Variants in C10orf71 observed in about 807,000 individuals in gnomAD.
The protein encoded by C10orf71 is chromosome 10 open reading frame 71, also known as cardiac-enriched FHL2-interacting protein.
For synonymous variants in C10orf71, 758 were observed against 726.3 expected (o/e 1.04, Z -0.70); for missense variants, 1,869 against 1,804.5 (o/e 1.04, Z -0.65).
At chr10:49,302,063 A>G (rs541650345) in intron 1 of C10orf71, among the ~76,000 whole-genome samples, 1 of 152,222 alleles carries the variant, frequency 6.6e-6, no homozygotes, top group African/African-American at 2.4e-5. Flanking sequence ...TTCATCTGGG[A>G]TATCTCCCAC....
At chr10:49,307,632 C>T (rs1848837956) in intron 1 of C10orf71, among the ~76,000 whole-genome samples, 1 of 152,246 alleles carries the variant, frequency 6.6e-6, no homozygotes, top group Admixed American at 6.5e-5. Context: ...GCAAGGCCCA[C>T]TGAGCACACC....
chr10:49,319,109 T>C (rs980391830), intron 2 of C10orf71, among the ~76,000 whole-genome samples: 7 of 152,230 alleles, frequency 4.6e-5, no homozygotes, highest in African/African-American at 1.7e-4. Flanking sequence ...ATGTCCACTC[T>C]TCCAGACACC....
intron 1 of C10orf71, among the ~76,000 whole-genome samples, chr10:49,309,792 C>T (rs1450502227): frequency 2.0e-5 from 3 of 152,136 alleles, no homozygotes; most frequent in Admixed American, 1.3e-4. Context: ...CTGAACTGCT[C>T]GTCACACATG....
intron 1 of C10orf71, among the ~76,000 whole-genome samples, chr10:49,306,163 T>A (rs1412974892): frequency 1.3e-5 from 2 of 152,226 alleles, no homozygotes. Flanking sequence ...TGAACCTCCT[T>A]CTAGTCCAGG....
At chr10:49,313,832 G>T (rs145750346) in intron 1 of C10orf71, among the ~76,000 whole-genome samples, 78 of 152,344 alleles carry the variant, frequency 5.1e-4, no homozygotes, top group South Asian at 1.0e-3. Flanking sequence ...GCACCGAGTT[G>T]CCTGGTGGGT....
In C10orf71 at chr10:49,325,987, A is replaced by G; in HGVS notation, c.3442A>G (p.Thr1148Ala). Residue 1148 changes from threonine to alanine, a missense_variant, in exon 3 of 3, where the codon ACC (threonine) becomes GCC (alanine). Thr to Ala is a moderately conservative substitution (Grantham distance 58). Coordinates refer to ENST00000374144, the MANE Select transcript of C10orf71 (RefSeq NM_001135196.2). ...SPRGSLLDVATSPAGTSGRLE... is the reference protein window; with the variant it reads ...SPRGSLLDVAASPAGTSGRLE... ...AAGAGGTTCATTGCTGGATGTGGCC[A>G]CCAGCCCAGCAGGCACCTCTGGGAG... The G allele has an allele frequency of 6.4e-7, 1 of 1,551,704 alleles. No homozygotes were observed. Among genetic ancestry groups the G allele is most frequent in the African/African-American group, 1.4e-5 (1 of 73,178 alleles).
chr10:49,323,028 G>A lies in C10orf71; in HGVS notation c.483G>A (p.Arg161=), dbSNP rs779560653. 6 of 1,613,900 alleles carry A rather than the reference G, an allele frequency of 3.7e-6. No individual in the cohort carries two copies. The South Asian group carries it at 6.6e-5, about 18-fold the overall frequency. Residue 161 remains arginine, a synonymous_variant, in exon 3 of 3, where the codon AGG becomes AGA. Coordinates refer to ENST00000374144, the MANE Select transcript of C10orf71 (RefSeq NM_001135196.2). ...CCGAGAGCCAACGTTGTGAGAGCAG[G>A]CCCACTGCCAGCAAGCCTCCGGCTC... ...DRTESQRCES[R]PTASKPPALK...
Position 49,326,888 on chromosome 10 carries a change from C to G in C10orf71, c.*35C>G. 7.0e-7 allele frequency: 1 copy of G among 1,436,484 alleles called. No homozygotes were observed. Among genetic ancestry groups the G allele is most frequent in the Non-Finnish European group, 9.2e-7 (1 of 1,084,902 alleles). 89.0% of individuals were successfully genotyped at this position (1,436,484 alleles called of 1,614,324 possible). On this transcript the variant is annotated 3_prime_UTR_variant, in exon 3 of 3. Transcript: ENST00000374144. The stretch of plus-strand genomic sequence containing the variant: ...GGCTGTCCCCCACCCCCAGATGAAC[C>G]CAGAGGAGCTTACTTCCCCCTCCCC...
At position 49,322,655 on chromosome 10, in the gene C10orf71, TC is replaced by T. The variant is rs2132430480; in HGVS notation, c.112del (p.Arg38GlyfsTer96). 6.2e-7 allele frequency: 1 copy of T among 1,613,636 alleles called. No homozygotes were observed. The highest frequency in any genetic ancestry group is 1.1e-5 in the South Asian group (1 of 91,010). ...GTGAGCAGCCTAACAGACCGGGCAT[TC>T]CGGAGTTTGTGCATCTCCGAGGACA... Reference protein sequence around the residue: ...REVSSLTDRAFRSLCISEDTS... With the variant: ...REVSSLTDRAXRSLCISEDTS... On this transcript the variant is annotated frameshift_variant, in exon 3 of 3. Transcript: ENST00000374144. LOFTEE classifies it low-confidence loss of function (END_TRUNC).
intron 2 of C10orf71, among the ~76,000 whole-genome samples, chr10:49,319,294 A>G (rs1436765693): frequency 1.3e-5 from 2 of 152,132 alleles, no homozygotes; most frequent in Non-Finnish European, 2.9e-5. Flanking sequence ...AGGATCCACA[A>G]GAGAATGTTA....
In C10orf71 at chr10:49,324,396, G is replaced by A. The variant is rs1849173011; in HGVS notation, c.1851G>A (p.Lys617=). ...CTGAGAGAAGCAGTTATGAGAACAA[G>A]GAGGTGGAAGGAGAGTTGGAGATGG... ...EAAERSSYEN[K]EVEGELEMGP... is the part of the protein sequence containing the mutation. Residue 617 remains lysine (K), a synonymous_variant, in exon 3 of 3, where the codon AAG becomes AAA. Transcript: ENST00000374144. 4 of 1,612,858 alleles carry A rather than the reference G, an allele frequency of 2.5e-6. No individual in the cohort carries two copies. Among genetic ancestry groups the A allele is most frequent in the Non-Finnish European group, 2.5e-6 (3 of 1,179,444 alleles).
At chr10:49,321,881 C>T (rs957557329) in intron 2 of C10orf71, among the ~76,000 whole-genome samples, 1 of 152,118 alleles carries the variant, frequency 6.6e-6, no homozygotes, top group Non-Finnish European at 1.5e-5. Flanking sequence ...GTTTCTCTAC[C>T]CATTTTTAAA....
chr10:49,303,016 C>T (rs1848754100), intron 1 of C10orf71, among the ~76,000 whole-genome samples: 1 of 152,180 alleles, frequency 6.6e-6, no homozygotes, highest in Non-Finnish European at 1.5e-5. Context: ...GAAAAGTTCC[C>T]AGCACGTGGT....
intron 1 of C10orf71, among the ~76,000 whole-genome samples, chr10:49,306,460 A>G (rs180982459): frequency 1.3e-5 from 2 of 152,218 alleles, no homozygotes. Flanking sequence ...GATGACTCTC[A>G]TGTCAGGTCC....
intron 1 of C10orf71, among the ~76,000 whole-genome samples, chr10:49,305,525 C>G (rs921072111): frequency 6.6e-6 from 1 of 152,218 alleles, no homozygotes; most frequent in African/African-American, 2.4e-5. Context: ...ATTACCCACT[C>G]AGTGGATAAG....
chr10:49,302,579 T>A (rs1255549967), intron 1 of C10orf71, among the ~76,000 whole-genome samples: 2 of 152,210 alleles, frequency 1.3e-5, no homozygotes, highest in African/African-American at 4.8e-5. Context: ...CGCCGAGGCT[T>A]GAAGAGGTTA....
In C10orf71 at chr10:49,323,992, C is replaced by T. The variant is rs201064215; in HGVS notation, c.1447C>T (p.Pro483Ser). 6.2e-7 allele frequency: 1 copy of T among 1,613,564 alleles called. No individual in the cohort carries two copies. Among genetic ancestry groups the T allele is most frequent in the East Asian group, 2.2e-5 (1 of 44,860 alleles). Residue 483 changes from proline to serine, a missense_variant, in exon 3 of 3, where the codon CCC becomes TCC. Transcript: ENST00000374144. ...GCTAAACGGATACCAAGAGAAGGAG[C>T]CCAGTGAATGTCAGTCTCGAGACAG... is the stretch of plus-strand genomic sequence containing the variant. Reference protein sequence around the residue: ...GQLNGYQEKEPSECQSRDSYK... With the variant: ...GQLNGYQEKESSECQSRDSYK...
intron 1 of C10orf71, among the ~76,000 whole-genome samples, chr10:49,310,830 AGAG>A (rs1818029411): frequency 6.6e-6 from 1 of 152,086 alleles, no homozygotes; most frequent in Admixed American, 6.5e-5. Flanking sequence ...AAGAAGAAGA[AGAG>A]GAGGAAGTCG....
chr10:49,313,085 A>G (rs1408356815), intron 1 of C10orf71, among the ~76,000 whole-genome samples: 1 of 152,214 alleles, frequency 6.6e-6, no homozygotes, highest in Non-Finnish European at 1.5e-5. Context: ...AGGAGGGACA[A>G]ACATTTAACA....
Sources: allele counts gnomAD v4.1 joint callset (sites outside exome capture counted in the v4.1 genomes callset), GRCh38; gene constraint gnomAD v4.1.1; transcripts MANE v1.5; gene names NCBI Gene and HGNC (gene_info 2026-07-23, HGNC 2026-07-21).